Variants in REDIC1 observed in about 807,000 individuals in gnomAD.
REDIC1 encodes regulator of DNA class I crossover intermediates 1.
chr12:39,901,240 A>G, the REDIC1 span, among the ~76,000 whole-genome samples: 1 of 152,250 alleles, frequency 6.6e-6, no homozygotes, highest in Non-Finnish European at 1.5e-5. Context: ...TAAAAACCCT[A>G]GAAGAAAACC....
the REDIC1 span, among the ~76,000 whole-genome samples, chr12:39,643,518 T>A: frequency 1.3e-5 from 2 of 151,836 alleles, no homozygotes; most frequent in East Asian, 3.9e-4. Flanking sequence ...TAATTTCTAA[T>A]CTTTTGATTT....
the REDIC1 span, among the ~76,000 whole-genome samples, chr12:39,740,690 A>G: frequency 6.6e-6 from 1 of 152,204 alleles, no homozygotes; most frequent in African/African-American, 2.4e-5. Flanking sequence ...TGAGGAAGAA[A>G]GAATGGGAGA....
the REDIC1 span, among the ~76,000 whole-genome samples, chr12:39,742,624 G>A: frequency 6.6e-6 from 1 of 152,008 alleles, no homozygotes; most frequent in African/African-American, 2.4e-5. Flanking sequence ...AGTTTCTCCT[G>A]GTAGAAAAGG....
the REDIC1 span, chr12:39,757,415 G>A: frequency 2.6e-5 from 4 of 151,436 alleles, no homozygotes; most frequent in Admixed American, 1.3e-4. Context: ...AATATGCTGG[G>A]AACTTAAAAG....
the REDIC1 span, among the ~76,000 whole-genome samples, chr12:39,854,675 C>T: frequency 2.2e-3 from 329 of 152,282 alleles, 1 homozygote; most frequent in African/African-American, 7.6e-3. Context: ...TCATGGTACC[C>T]TCCTTGCTTG....
At chr12:39,713,603 T>G in the REDIC1 span, among the ~76,000 whole-genome samples, 1 of 149,514 alleles carries the variant, frequency 6.7e-6, no homozygotes, top group African/African-American at 2.4e-5. Flanking sequence ...GATACGTATA[T>G]ATACATATGT....
At chr12:39,893,650 G>A in the REDIC1 span, among the ~76,000 whole-genome samples, 1 of 152,118 alleles carries the variant, frequency 6.6e-6, no homozygotes, top group Admixed American at 6.5e-5. Flanking sequence ...TTAAAAGTAA[G>A]ATAAAAGTTA....
chr12:39,680,270 A>C, the REDIC1 span, among the ~76,000 whole-genome samples: 1 of 152,208 alleles, frequency 6.6e-6, no homozygotes, highest in South Asian at 2.1e-4. Flanking sequence ...CAAGGAACTC[A>C]AATCAGTAAG....
chr12:39,775,459 G>A, the REDIC1 span, among the ~76,000 whole-genome samples: 2 of 152,230 alleles, frequency 1.3e-5, no homozygotes, highest in Admixed American at 1.3e-4. Flanking sequence ...AAGTTAACAG[G>A]CTACGGGCTC....
the REDIC1 span, among the ~76,000 whole-genome samples, chr12:39,656,489 A>G: frequency 6.6e-6 from 1 of 152,248 alleles, no homozygotes; most frequent in East Asian, 1.9e-4. Flanking sequence ...ATACATAATA[A>G]TTGATAATGA....
At chr12:39,695,322 CT>C in the REDIC1 span, among the ~76,000 whole-genome samples, 1 of 152,282 alleles carries the variant, frequency 6.6e-6, no homozygotes, top group East Asian at 1.9e-4. Context: ...CAGGACTTGG[CT>C]CTTGGATGGC....
the REDIC1 span, among the ~76,000 whole-genome samples, chr12:39,693,871 A>G: frequency 6.6e-6 from 1 of 152,116 alleles, no homozygotes. Context: ...CTGAATTTCA[A>G]TTTTGATATA....
At chr12:39,633,694 A>G in the REDIC1 span, among the ~76,000 whole-genome samples, 5 of 152,164 alleles carry the variant, frequency 3.3e-5, no homozygotes, top group African/African-American at 1.2e-4. Flanking sequence ...TGTTACGACA[A>G]CTAGGCAATC....
the REDIC1 span, among the ~76,000 whole-genome samples, chr12:39,711,534 T>TAC: frequency 3.2e-5 from 4 of 123,204 alleles, no homozygotes; most frequent in African/African-American, 1.3e-4. Context: ...TATGTGTATA[T>TAC]ACATATATGT....
the REDIC1 span, chr12:39,829,365 A>G: frequency 2.0e-5 from 3 of 148,194 alleles, no homozygotes; most frequent in Admixed American, 2.0e-4. Flanking sequence ...AAAAAGTTCC[A>G]TAAAAGAATG....
chr12:39,714,179 A>ATGCATATATGTATATATGTATATG, the REDIC1 span, among the ~76,000 whole-genome samples: 2 of 128,128 alleles, frequency 1.6e-5, 1 homozygote, highest in Non-Finnish European at 3.6e-5. Flanking sequence ...ATATGTATAT[A>ATGCATATATGTATATATGTATATG]CATGCATATA....
the REDIC1 span, chr12:39,721,004 GC>G: frequency 3.7e-6 from 6 of 1,613,618 alleles, no homozygotes; most frequent in Admixed American, 5.0e-5. Context: ...CAGTTGCAGT[GC>G]AATTCAGCCC....
the REDIC1 span, among the ~76,000 whole-genome samples, chr12:39,776,058 T>C: frequency 6.6e-6 from 1 of 152,212 alleles, no homozygotes; most frequent in Non-Finnish European, 1.5e-5. Flanking sequence ...GGAGAAAGTT[T>C]AGTGACTCAT....
the REDIC1 span, among the ~76,000 whole-genome samples, chr12:39,667,373 G>A: frequency 3.9e-5 from 6 of 152,114 alleles, no homozygotes; most frequent in East Asian, 5.8e-4. Context: ...GTAGTTTAGC[G>A]GTTTTGAGTG....
Sources: allele counts gnomAD v4.1 joint callset (sites outside exome capture counted in the v4.1 genomes callset), GRCh38; gene constraint gnomAD v4.1.1; transcripts MANE v1.5; gene names NCBI Gene and HGNC (gene_info 2026-07-23, HGNC 2026-07-21).